Variants in ALMS1 observed in about 807,000 individuals in gnomAD.
The protein encoded by ALMS1 is centrosome-associated protein ALMS1.
Under a neutral mutation model 352.2 loss-of-function variants are expected in ALMS1, and 271 were observed. The ratio of observed to expected loss-of-function variants is 0.77; its 90% CI spans 0.70 to 0.85. The LOEUF (loss-of-function observed/expected upper bound fraction) is 0.85. ALMS1 is among the 40% of genes least tolerant of loss of function. ALMS1 has a pLI of 0.00. For missense variants in ALMS1, 5,445 were observed against 4,870.7 expected (o/e 1.12, Z -3.51); for synonymous variants, 1,865 against 1,761.2 (o/e 1.06, Z -1.48).
In ALMS1 at chr2:73,512,405, T is replaced by A. The variant is rs573091101; in HGVS notation, c.9540-7370T>A. The stretch of plus-strand genomic sequence containing the variant: ...TCCACTGTCAGATTTTTTTTTTTTT[T>A]AATTTAGCCTTCCTGATTGGTATAT... On this transcript the variant is annotated intron_variant, in intron 10 of 22. Coordinates refer to ENST00000613296, the MANE Select transcript of ALMS1 (RefSeq NM_001378454.1). 6.5e-4 allele frequency among the ~76,000 whole-genome samples: 98 copies of A among 151,544 alleles called. 1 individual carries two copies. The highest frequency in any genetic ancestry group is 2.1e-3 in the African/African-American group (85 of 41,180).
chr2:73,563,766 A>G (rs958483449), intron 15 of ALMS1, among the ~76,000 whole-genome samples: 1 of 150,838 alleles, frequency 6.6e-6, no homozygotes, highest in Non-Finnish European at 1.5e-5. Context: ...AAGGTATGGA[A>G]TTATATGAAA....
intron 2 of ALMS1, among the ~76,000 whole-genome samples, chr2:73,414,484 T>TGG (rs1378458077): frequency 1.1e-5 from 1 of 90,462 alleles, no homozygotes. Flanking sequence ...TTTTTTTTTT[T>TGG]TTTTGTTTTT....
chr2:73,609,739 C>A lies in ALMS1; in HGVS notation c.*127C>A. The A allele has an allele frequency of 2.1e-6, 2 of 958,738 alleles. No homozygotes were observed. Among genetic ancestry groups the A allele is most frequent in the Non-Finnish European group, 3.3e-6 (2 of 606,626 alleles). 59.4% of individuals were successfully genotyped at this position (958,738 alleles called of 1,614,324 possible). A position where few individuals can be genotyped will look rare whatever the true frequency, so the allele number is the denominator to read the frequency against. On this transcript the variant is annotated 3_prime_UTR_variant, in exon 23 of 23. Transcript: ENST00000613296. ...TCCATGTGTATTTTAGAAATAGTAACTTCTAAAGAGTCTGGAACAAAGTGG... is the reference window on the plus strand; with the variant it reads ...TCCATGTGTATTTTAGAAATAGTAAATTCTAAAGAGTCTGGAACAAAGTGG...
intron 1 of ALMS1, among the ~76,000 whole-genome samples, chr2:73,399,821 A>G (rs1322520570): frequency 2.6e-5 from 4 of 151,480 alleles, no homozygotes; most frequent in East Asian, 3.9e-4. Context: ...ATTCCCCTCT[A>G]TTCCTATTTT....
intron 16 of ALMS1, among the ~76,000 whole-genome samples, chr2:73,582,301 T>A (rs569871030): frequency 3.9e-5 from 6 of 152,340 alleles, no homozygotes; most frequent in African/African-American, 7.2e-5. Context: ...TTCATTCTGA[T>A]GTATTTATTA....
chr2:73,551,650 G>A (rs1046748315), intron 13 of ALMS1, among the ~76,000 whole-genome samples: 8 of 151,756 alleles, frequency 5.3e-5, no homozygotes, highest in African/African-American at 1.7e-4. Flanking sequence ...TGGCCAGGCT[G>A]GTCTTGAACT....
chr2:73,492,496 T>A (rs1673012055), intron 10 of ALMS1, among the ~76,000 whole-genome samples: 1 of 152,078 alleles, frequency 6.6e-6, no homozygotes, highest in South Asian at 2.1e-4. Context: ...GAGTAAGGAT[T>A]TGTTCCTCTA....
At chr2:73,514,943 C>G (rs1025903716) in intron 10 of ALMS1, among the ~76,000 whole-genome samples, 5 of 151,498 alleles carry the variant, frequency 3.3e-5, no homozygotes, top group African/African-American at 1.2e-4. Flanking sequence ...CTTAGTATTA[C>G]TTTGTGTTCA....
rs567380481 is a variant in ALMS1 at position 73,440,839 on chromosome 2, A to G, written c.1433-7121A>G. On this transcript the variant is annotated intron_variant, in intron 7 of 22. Transcript: ENST00000613296. ...TAGGAGACTTTGATTCCTATTTATA[A>G]TCTTCTGTTTAGCAGGCAGTTGCTC... 5.9e-5 allele frequency among the ~76,000 whole-genome samples: 9 copies of G among 152,276 alleles called. No homozygotes were observed. In the East Asian group the frequency reaches 7.7e-4, roughly 13 times the overall value.
intron 12 of ALMS1, among the ~76,000 whole-genome samples, chr2:73,548,313 C>G (rs1399182761): frequency 6.6e-6 from 1 of 152,042 alleles, no homozygotes; most frequent in Non-Finnish European, 1.5e-5. Flanking sequence ...TTGTGCTGCC[C>G]CAAACATAAA....
chr2:73,518,073 C>T (rs1034865735), intron 10 of ALMS1, among the ~76,000 whole-genome samples: 26 of 151,448 alleles, frequency 1.7e-4, no homozygotes, highest in African/African-American at 5.6e-4. Flanking sequence ...AGGTACTAAG[C>T]GTGGTACCCA....
At chr2:73,539,534 T>C (rs1674115685) in intron 12 of ALMS1, among the ~76,000 whole-genome samples, 4 of 152,184 alleles carry the variant, frequency 2.6e-5, no homozygotes, top group Admixed American at 2.6e-4. Context: ...AGAATGACTT[T>C]GACGAGTTGA....
intron 21 of ALMS1, among the ~76,000 whole-genome samples, chr2:73,605,861 GA>G (rs939853585): frequency 6.6e-6 from 1 of 151,472 alleles, no homozygotes; most frequent in African/African-American, 2.4e-5. Flanking sequence ...AAAAAAGAAA[GA>G]AAAGAAACTA....
At chr2:73,427,792 G>A (rs926903554) in intron 6 of ALMS1, among the ~76,000 whole-genome samples, 30 of 152,232 alleles carry the variant, frequency 2.0e-4, no homozygotes, top group African/African-American at 7.0e-4. Context: ...GTCTGGTACT[G>A]TAAGTCCCAA....
intron 10 of ALMS1, among the ~76,000 whole-genome samples, chr2:73,492,090 G>A (rs535608989): frequency 6.6e-6 from 1 of 152,304 alleles, no homozygotes; most frequent in Non-Finnish European, 1.5e-5. Context: ...TTGTAGGAAA[G>A]GAAACCCAAT....
At chr2:73,560,525 G>A (rs62149774) in intron 15 of ALMS1, among the ~76,000 whole-genome samples, 18,787 of 152,068 alleles carry the variant, frequency 0.12, 1,472 homozygotes, top group Admixed American at 0.18. Flanking sequence ...ATATGATCCC[G>A]CAATCCCACT....
chr2:73,455,429 A>G (rs1327647944), intron 9 of ALMS1, 134 bp downstream of exon 9: 1 of 1,149,712 alleles, frequency 8.7e-7, no homozygotes, highest in African/African-American at 1.5e-5. Flanking sequence ...TTTTTGAGAC[A>G]GTCTTGCTCT....
chr2:73,519,282 A>G (rs557954075), intron 10 of ALMS1, among the ~76,000 whole-genome samples: 3 of 152,108 alleles, frequency 2.0e-5, no homozygotes, highest in Non-Finnish European at 4.4e-5. Context: ...CTTCTTTCCA[A>G]TTATTTATGT....
intron 9 of ALMS1, chr2:73,470,872 GT>G (rs1672451906): frequency 6.6e-6 from 1 of 151,624 alleles, no homozygotes; most frequent in Non-Finnish European, 1.5e-5. Flanking sequence ...TCTTGGGATG[GT>G]TTTTTATTTA....
Sources: allele counts gnomAD v4.1 joint callset (sites outside exome capture counted in the v4.1 genomes callset), GRCh38; gene constraint gnomAD v4.1.1; transcripts MANE v1.5; gene names NCBI Gene and HGNC (gene_info 2026-07-23, HGNC 2026-07-21).